The following SUGCT variants were observed in gnomAD, a reference collection of about 807,000 sequenced individuals.
SUGCT encodes the protein succinyl-CoA:glutarate-CoA transferase.
In SUGCT, 41 loss-of-function variants were observed where a neutral mutation model predicts 55.0. The observed-to-expected ratio is 0.74, with a 90% CI of 0.58 to 0.97. The LOEUF (loss-of-function observed/expected upper bound fraction) is 0.97, where lower values mean the gene tolerates loss of function less well. Among genes scored for constraint, SUGCT ranks in the 50% least tolerant of loss-of-function variants. SUGCT has a pLI of 0.00. For synonymous variants in SUGCT, 187 were observed against 200.4 expected, an observed-to-expected ratio of 0.93 and a Z score of 0.56; for missense variants, 568 against 547.8, an observed-to-expected ratio of 1.04 and a Z score of -0.37.
chr7:40,924,682 T>C, the SUGCT span, among the ~76,000 whole-genome samples: 1 of 152,030 alleles, frequency 6.6e-6, no homozygotes, highest in African/African-American at 2.4e-5. Flanking sequence ...TACAAGACAC[T>C]CTTAAACATG....
chr7:40,411,726 T>A (rs531072470), intron 9 of SUGCT, among the ~76,000 whole-genome samples: 1 of 152,272 alleles, frequency 6.6e-6, no homozygotes, highest in South Asian at 2.1e-4. Context: ...TTGACTATAG[T>A]TAACAATAAT....
chr7:40,325,968 T>C (rs937954604), intron 9 of SUGCT, among the ~76,000 whole-genome samples: 1 of 137,286 alleles, frequency 7.3e-6, no homozygotes, highest in Non-Finnish European at 1.5e-5. Context: ...CTTTAACAAA[T>C]GTCAAGTTTA....
At chr7:40,627,274 G>T (rs1258592774) in intron 12 of SUGCT, among the ~76,000 whole-genome samples, 1 of 152,206 alleles carries the variant, frequency 6.6e-6, no homozygotes, top group Non-Finnish European at 1.5e-5. Context: ...GTGTGGGAGT[G>T]GTCCTGAGCA....
intron 7 of SUGCT, among the ~76,000 whole-genome samples, chr7:40,243,703 C>T (rs1789621663): frequency 6.6e-6 from 1 of 151,944 alleles, no homozygotes; most frequent in Non-Finnish European, 1.5e-5. Flanking sequence ...GATATGGTGG[C>T]AGTTGTTAGA....
the SUGCT span, among the ~76,000 whole-genome samples, chr7:41,014,070 C>A: frequency 6.6e-6 from 1 of 152,148 alleles, no homozygotes; most frequent in Non-Finnish European, 1.5e-5. Flanking sequence ...TAATAAGATT[C>A]TTAAAATAGT....
intron 6 of SUGCT, among the ~76,000 whole-genome samples, chr7:40,224,519 T>G (rs946044682): frequency 1.3e-5 from 2 of 152,058 alleles, no homozygotes; most frequent in African/African-American, 4.8e-5. Flanking sequence ...TCAGAGCCTT[T>G]GAAATTGTAG....
the SUGCT span, among the ~76,000 whole-genome samples, chr7:40,991,940 T>A: frequency 6.6e-6 from 1 of 152,006 alleles, no homozygotes; most frequent in African/African-American, 2.4e-5. Flanking sequence ...AGAATGTGTT[T>A]CCAGAAAGAG....
In SUGCT at chr7:40,702,892, C is replaced by T. The variant is rs543555509; in HGVS notation, c.1090-46542C>T. Among the ~76,000 whole-genome samples, 13 of 152,224 alleles carry T rather than the reference C, an allele frequency of 8.5e-5. 1 individual carries two copies. In the South Asian group the frequency reaches 2.7e-3, roughly 32 times the overall value. ...CAAAACTACGTAACTCTCAAATCAG[C>T]CCACAAAGCGTGCAAGAATATTTGG... On this transcript the variant is annotated intron_variant, in intron 12 of 13. Coordinates refer to ENST00000335693, the MANE Select transcript of SUGCT (RefSeq NM_001193313.2).
intron 12 of SUGCT, chr7:40,539,616 TTTTG>T (rs1174020939): frequency 3.9e-5 from 6 of 152,226 alleles, no homozygotes; most frequent in African/African-American, 1.4e-4. Flanking sequence ...CTCTCAGTTG[TTTTG>T]TAGTTAAGGA....
intron 13 of SUGCT, among the ~76,000 whole-genome samples, chr7:40,839,878 T>A (rs1793189075): frequency 6.6e-6 from 1 of 152,124 alleles, no homozygotes; most frequent in South Asian, 2.1e-4. Flanking sequence ...TGCCAGTGAA[T>A]GTGCAGTAAT....
chr7:40,420,499 C>T (rs753297406), intron 9 of SUGCT, among the ~76,000 whole-genome samples: 21 of 151,930 alleles, frequency 1.4e-4, no homozygotes, highest in Admixed American at 8.5e-4. Flanking sequence ...CCACCATGCC[C>T]AGCTAATTTT....
chr7:40,929,107 C>T, the SUGCT span, among the ~76,000 whole-genome samples: 834 of 152,084 alleles, frequency 5.5e-3, 3 homozygotes, highest in African/African-American at 0.016. Context: ...TGACAGGCCC[C>T]GGTGTGTGAT....
intron 12 of SUGCT, among the ~76,000 whole-genome samples, chr7:40,502,086 C>T (rs1792309959): frequency 6.6e-6 from 1 of 151,804 alleles, no homozygotes; most frequent in South Asian, 2.1e-4. Context: ...TATTTGTGAC[C>T]TTGATACATA....
At chr7:40,661,746 C>T (rs575774381) in intron 12 of SUGCT, among the ~76,000 whole-genome samples, 2 of 152,150 alleles carry the variant, frequency 1.3e-5, no homozygotes, top group Non-Finnish European at 2.9e-5. Context: ...CATGTTTCTT[C>T]TGAAACATGG....
Position 40,595,769 on chromosome 7 carries a change from G to A in SUGCT, c.1089+99383G>A, listed in dbSNP as rs933280921. ...AGGTCAAATGTGGTAACCAGAATAT[G>A]GAGATGATCTTTGCTAACAAAGGTT... is the stretch of plus-strand genomic sequence containing the variant. On this transcript the variant is annotated intron_variant, in intron 12 of 13. Coordinates refer to ENST00000335693, the MANE Select transcript of SUGCT (RefSeq NM_001193313.2). Among the ~76,000 whole-genome samples the A allele has an allele frequency of 1.3e-4, 20 of 152,240 alleles. No homozygotes were observed. The East Asian group carries it at 3.5e-3, about 26-fold the overall frequency.
intron 12 of SUGCT, among the ~76,000 whole-genome samples, chr7:40,615,753 T>C (rs866395815): frequency 6.6e-6 from 1 of 152,356 alleles, no homozygotes; most frequent in South Asian, 2.1e-4. Context: ...AATTTTTGTC[T>C]TTCTATGTGT....
At chr7:40,295,532 T>C (rs1466551281) in intron 8 of SUGCT, among the ~76,000 whole-genome samples, 1 of 152,164 alleles carries the variant, frequency 6.6e-6, no homozygotes, top group Non-Finnish European at 1.5e-5. Context: ...CCTGAGATTG[T>C]GCCACTGCAC....
rs1304769865 is a variant in SUGCT, at chr7:40,435,305, A to G, written c.817-13982A>G. ...TATTCAGCATGTCACTTTAACTAAT[A>G]TTCATCCTTAAACTTGGGTGATCAT... is the stretch of plus-strand genomic sequence containing the variant. On this transcript the variant is annotated intron_variant, in intron 9 of 13. Transcript: ENST00000335693. 2.0e-5 allele frequency among the ~76,000 whole-genome samples: 3 copies of G among 152,138 alleles called. No individual in the cohort carries two copies. In the East Asian group the frequency reaches 5.8e-4, roughly 29 times the overall value.
intron 9 of SUGCT, among the ~76,000 whole-genome samples, chr7:40,414,150 A>G (rs1786840151): frequency 6.6e-6 from 1 of 152,226 alleles, no homozygotes; most frequent in Admixed American, 6.5e-5. Context: ...CTAAGGAAAG[A>G]AAGAACTACA....
Sources: gnomAD v4.1 joint callset for allele counts (sites outside exome capture counted in the v4.1 genomes callset) on GRCh38, gnomAD v4.1.1 for gene constraint, MANE v1.5 for transcripts, NCBI Gene and HGNC (gene_info 2026-07-23, HGNC 2026-07-21) for gene names.